The following CFAP299 variants were observed in gnomAD, a reference collection of about 807,000 sequenced individuals.
CFAP299 encodes the protein cilia- and flagella-associated protein 299.
Under a neutral mutation model 27.0 loss-of-function variants are expected in CFAP299, and 21 were observed. The ratio of observed to expected loss-of-function variants is 0.78; its 90% confidence interval spans 0.55 to 1.12. CFAP299 has a LOEUF of 1.12. Among genes scored for constraint, CFAP299 ranks in the 50% most tolerant of loss-of-function variants. The pLI is 0.00. For missense variants in CFAP299, 310 were observed against 276.6 expected (o/e 1.12, Z -0.86); for synonymous variants, 104 against 98.1 (o/e 1.06, Z -0.36).
At chr4:80,853,057 G>A (rs13103263) in intron 3 of CFAP299, among the ~76,000 whole-genome samples, 1 of 151,978 alleles carries the variant, frequency 6.6e-6, no homozygotes. Context: ...TTGAGACGGA[G>A]TCTCATTCTA....
intron 2 of CFAP299, among the ~76,000 whole-genome samples, chr4:80,367,666 A>T (rs929435771): frequency 6.6e-6 from 1 of 152,128 alleles, no homozygotes; most frequent in African/African-American, 2.4e-5. Context: ...CTGCTCCACT[A>T]TTATATAAAC....
chr4:80,726,455 C>T (rs963470072), intron 3 of CFAP299, among the ~76,000 whole-genome samples: 1 of 152,088 alleles, frequency 6.6e-6, no homozygotes, highest in Non-Finnish European at 1.5e-5. Flanking sequence ...TCATTTTATA[C>T]TTACTTAAAT....
chr4:80,655,914 G>C (rs1457671438), intron 3 of CFAP299, among the ~76,000 whole-genome samples: 2 of 152,132 alleles, frequency 1.3e-5, no homozygotes, highest in Admixed American at 1.3e-4. Flanking sequence ...CTTGCTCTCT[G>C]TTTGAAGAGC....
chr4:80,792,082 G>A (rs939659927), intron 3 of CFAP299, among the ~76,000 whole-genome samples: 3 of 151,952 alleles, frequency 2.0e-5, no homozygotes, highest in African/African-American at 4.8e-5. Flanking sequence ...ATGACTTTGT[G>A]TCTGTAGCTT....
rs146928078 is a variant in CFAP299, at chr4:80,442,751, C to G, written c.242+79867C>G. 3.2e-3 allele frequency among the ~76,000 whole-genome samples: 490 copies of G among 152,172 alleles called. 1 individual carries two copies. Among genetic ancestry groups the G allele is most frequent in the African/African-American group, 0.011 (470 of 41,546 alleles). On this transcript the variant is annotated intron_variant, in intron 2 of 5. Coordinates refer to ENST00000358105, the MANE Select transcript of CFAP299 (RefSeq NM_152770.3). ...TTCAAAAAATCAATGAATCCAGGAG[C>G]TGGTTTTTTGAAAAGATTAACAAAA...
At chr4:80,932,009 G>A (rs1211501355) in intron 4 of CFAP299, among the ~76,000 whole-genome samples, 1 of 152,168 alleles carries the variant, frequency 6.6e-6, no homozygotes, top group African/African-American at 2.4e-5. Context: ...GATTCCATAG[G>A]CTAGCAGGAC....
intron 3 of CFAP299, among the ~76,000 whole-genome samples, chr4:80,620,897 A>C (rs1738564455): frequency 6.6e-6 from 1 of 152,132 alleles, no homozygotes; most frequent in Non-Finnish European, 1.5e-5. Context: ...TTTATGATGA[A>C]AACTAAATAA....
At chr4:80,459,420 C>T (rs780531395) in intron 2 of CFAP299, among the ~76,000 whole-genome samples, 1 of 152,200 alleles carries the variant, frequency 6.6e-6, no homozygotes, top group African/African-American at 2.4e-5. Context: ...TAAAACCTCA[C>T]ATCAAAGGTC....
chr4:80,619,006 C>A (rs897950035), intron 3 of CFAP299, among the ~76,000 whole-genome samples: 1 of 152,026 alleles, frequency 6.6e-6, no homozygotes, highest in Admixed American at 6.6e-5. Context: ...CTTAAGGGAT[C>A]TTTGGCTTTC....
intron 2 of CFAP299, among the ~76,000 whole-genome samples, chr4:80,382,226 T>C (rs1202443311): frequency 6.6e-6 from 1 of 152,176 alleles, no homozygotes; most frequent in Non-Finnish European, 1.5e-5. Flanking sequence ...ACCTAGGCAA[T>C]ACCATTCTGG....
chr4:80,640,217 GCC>G (rs1560672040), intron 3 of CFAP299, among the ~76,000 whole-genome samples: 2 of 152,148 alleles, frequency 1.3e-5, no homozygotes, highest in South Asian at 2.1e-4. Flanking sequence ...TGGCTATGAA[GCC>G]GGCTCTGATT....
intron 1 of CFAP299, among the ~76,000 whole-genome samples, chr4:80,353,548 A>G (rs1476802037): frequency 6.6e-6 from 1 of 152,242 alleles, no homozygotes; most frequent in Non-Finnish European, 1.5e-5. Flanking sequence ...AGAAGATGGC[A>G]TTTGAGTATG....
chr4:80,579,609 A>G (rs918463439), intron 2 of CFAP299, among the ~76,000 whole-genome samples: 3 of 152,156 alleles, frequency 2.0e-5, no homozygotes, highest in African/African-American at 7.2e-5. Flanking sequence ...TGATGCCTAA[A>G]AATCTATTTT....
chr4:80,340,735 A>G (rs552826344), intron 1 of CFAP299, among the ~76,000 whole-genome samples: 5 of 152,032 alleles, frequency 3.3e-5, no homozygotes, highest in South Asian at 4.2e-4. Context: ...ACAATGCAGC[A>G]CAGCTGCTGT....
chr4:80,931,468 A>T (rs1051446417), intron 4 of CFAP299, among the ~76,000 whole-genome samples: 9 of 152,166 alleles, frequency 5.9e-5, no homozygotes, highest in Non-Finnish European at 1.3e-4. Context: ...GATGTCAAGT[A>T]TTTAGAGATG....
chr4:80,904,030 C>T (rs1735062437), intron 4 of CFAP299, among the ~76,000 whole-genome samples: 1 of 152,008 alleles, frequency 6.6e-6, no homozygotes, highest in South Asian at 2.1e-4. Flanking sequence ...TTTTAATGTT[C>T]CTGTGTGTCT....
rs544693083 is a variant in CFAP299, at chr4:80,876,447, G to T, written c.476+6312G>T. 8.5e-5 allele frequency among the ~76,000 whole-genome samples: 13 copies of T among 152,212 alleles called. No individual in the cohort carries two copies. The East Asian group carries it at 1.2e-3, about 14-fold the overall frequency. ...CTCTCTCCTGCTTTCCTGGGAAGAG[G>T]TGCCTTCTGCCATGATTGTAAGTTT... On this transcript the variant is annotated intron_variant, in intron 4 of 5. Transcript: ENST00000358105.
intron 2 of CFAP299, among the ~76,000 whole-genome samples, chr4:80,454,340 A>G (rs777491036): frequency 7.9e-5 from 12 of 152,218 alleles, no homozygotes; most frequent in Non-Finnish European, 1.3e-4. Flanking sequence ...GGTGAACAAG[A>G]TATCTACCAG....
Position 80,701,230 on chromosome 4 carries a change from T to C in CFAP299, c.333+118047T>C, listed in dbSNP as rs187517192. Among the ~76,000 whole-genome samples the C allele has an allele frequency of 6.1e-3, 924 of 152,056 alleles. 8 individuals carry two copies. The highest frequency in any genetic ancestry group is 7.5e-3 in the Non-Finnish European group (506 of 67,918). On this transcript the variant is annotated intron_variant, in intron 3 of 5. Transcript: ENST00000358105. ...AGTTGAGGATATGGTTTAAGAATCA[T>C]TGGATTGGGTTAGAAAGGAAGATAT...
Sources: gnomAD v4.1 joint callset for allele counts (sites outside exome capture counted in the v4.1 genomes callset) on GRCh38, gnomAD v4.1.1 for gene constraint, MANE v1.5 for transcripts, NCBI Gene and HGNC (gene_info 2026-07-23, HGNC 2026-07-21) for gene names.